Variants in TTC9C observed in about 807,000 individuals in gnomAD.
TTC9C encodes the protein tetratricopeptide repeat protein 9C.
TTC9C carries 15 observed loss-of-function variants against 22.5 expected under a neutral mutation model. That is an observed-to-expected ratio of 0.67 (90% CI 0.45 to 1.03). The LOEUF is 1.03. Among genes scored for constraint, TTC9C ranks in the 50% least tolerant of loss-of-function variants. TTC9C has a pLI of 0.00. For missense variants in TTC9C, 244 were observed against 214.6 expected, an observed-to-expected ratio of 1.14 and a Z score of -0.86; for synonymous variants, 92 against 86.8, an observed-to-expected ratio of 1.06 and a Z score of -0.33.
In TTC9C at chr11:62,738,352, G is replaced by C. The variant is rs779286217; in HGVS notation, c.486G>C (p.Glu162Asp). The change falls in exon 3 of 3, where the codon GAG becomes GAC. Residue 162 changes from glutamate (E) to aspartate (D), a missense_variant. By Grantham distance (45) the Glu-to-Asp change is conservative. Transcript: ENST00000316461. ...AACTCAGCAGCTACCATAGAAAAGA[G>C]AAGCAGCTCTACCTGGGCATGTTTG... is the stretch of plus-strand genomic sequence containing the variant. ...QSELSSYHRK[E>D]KQLYLGMFG The C allele has an allele frequency of 1.9e-6, 3 of 1,612,900 alleles. No individual in the cohort carries two copies.
At position 62,728,501 on chromosome 11, in the gene TTC9C, C is replaced by G. The variant is rs1314581775; in HGVS notation, c.-348C>G. 8.3e-6 allele frequency: 4 copies of G among 483,136 alleles called. No homozygotes were observed. The highest frequency in any genetic ancestry group is 3.9e-5 in the African/African-American group (2 of 51,126). 29.9% of individuals were successfully genotyped at this position (483,136 alleles called of 1,614,324 possible). On this transcript the variant is annotated 5_prime_UTR_variant, in exon 1 of 3. Transcript: ENST00000316461. ...GGCGGAAGCCAGTGTCCCAGGCGTTCTCACGCCCGCAACAATTCCTGAGTA... is the reference window on the plus strand; with the variant it reads ...GGCGGAAGCCAGTGTCCCAGGCGTTGTCACGCCCGCAACAATTCCTGAGTA...
rs1373808472 is a variant in TTC9C, at chr11:62,738,317, A to T, written c.451A>T (p.Thr151Ser). ...CAACGTCCGGCGGTACCTCCAGCTG[A>T]CACAGTCAGAACTCAGCAGCTACCA... ...DANVRRYLQLTQSELSSYHRK... is the reference protein window; with the variant it reads ...DANVRRYLQLSQSELSSYHRK... Residue 151 changes from threonine to serine, a missense_variant, in exon 3 of 3, where the codon ACA (threonine) becomes TCA (serine). Physicochemically the swap from Thr to Ser is moderately conservative, Grantham distance 58. Coordinates refer to ENST00000316461, the MANE Select transcript of TTC9C (RefSeq NM_173810.4). 1.2e-6 allele frequency: 2 copies of T among 1,612,926 alleles called. No homozygotes were observed. The highest frequency in any genetic ancestry group is 1.7e-6 in the Non-Finnish European group (2 of 1,179,496).
intron 1 of TTC9C, among the ~76,000 whole-genome samples, chr11:62,731,489 C>G (rs12805493): frequency 4.6e-5 from 7 of 152,006 alleles, no homozygotes; most frequent in Admixed American, 2.0e-4. Context: ...CCCAGCTATT[C>G]TGGAAACTGA....
intron 2 of TTC9C, chr11:62,735,914 A>G (rs1044995804): frequency 2.5e-5 from 4 of 156,914 alleles, no homozygotes; most frequent in Non-Finnish European, 4.2e-5. Context: ...TATACAGTGT[A>G]TATATTTATA....
upstream of TTC9C, chr11:62,728,437 T>C (rs761704917): frequency 1.3e-4 from 59 of 458,010 alleles, no homozygotes; most frequent in Non-Finnish European, 2.3e-4. Context: ...GCCCACTCCC[T>C]TCTACTTCCA....
chr11:62,730,576 T>TG (rs1478977944), intron 1 of TTC9C, among the ~76,000 whole-genome samples: 2 of 151,888 alleles, frequency 1.3e-5, no homozygotes, highest in African/African-American at 4.8e-5. Flanking sequence ...ACCAACTAGC[T>TG]CTTTTATTTT....
At chr11:62,729,895 GC>G (rs2083827272) in intron 1 of TTC9C, among the ~76,000 whole-genome samples, 1 of 152,006 alleles carries the variant, frequency 6.6e-6, no homozygotes, top group Non-Finnish European at 1.5e-5. Context: ...ATTTCTAACA[GC>G]CTTCTGGGTA....
intron 1 of TTC9C, among the ~76,000 whole-genome samples, chr11:62,730,203 A>C (rs658745): frequency 6.6e-6 from 1 of 151,434 alleles, no homozygotes; most frequent in Non-Finnish European, 1.5e-5. Context: ...AGCCTCTGGA[A>C]TAGCTGGGAT....
chr11:62,728,381 A>C, upstream of TTC9C: 1 of 374,524 alleles, frequency 2.7e-6, no homozygotes, highest in Non-Finnish European at 5.3e-6. Flanking sequence ...ATAAGGAAGA[A>C]GAGTTAGAAT....
intron 1 of TTC9C, 71 bp from the exon 2 acceptor site, chr11:62,735,311 T>C: frequency 3.2e-6 from 5 of 1,577,586 alleles, no homozygotes; most frequent in Middle Eastern, 3.4e-4. Flanking sequence ...CAGTACTGTC[T>C]TGAGCTGGCC....
chr11:62,733,621 TA>T (rs2083877307), intron 1 of TTC9C, among the ~76,000 whole-genome samples: 1 of 151,822 alleles, frequency 6.6e-6, no homozygotes, highest in Admixed American at 6.6e-5. Context: ...TTTTTTTTTT[TA>T]AGATGGAGTC....
chr11:62,728,636 C>T lies in TTC9C; in HGVS notation c.-213C>T, dbSNP rs757710296. The T allele has an allele frequency of 7.3e-6, 5 of 682,336 alleles. No individual in the cohort carries two copies. Among genetic ancestry groups the T allele is most frequent in the Non-Finnish European group, 1.1e-5 (4 of 372,498 alleles). 42.3% of individuals were successfully genotyped at this position (682,336 alleles called of 1,614,324 possible). A position where few individuals can be genotyped will look rare whatever the true frequency, so the allele number is the denominator to read the frequency against. On this transcript the variant is annotated 5_prime_UTR_variant, in exon 1 of 3. Coordinates refer to ENST00000316461, the MANE Select transcript of TTC9C (RefSeq NM_173810.4). ...CCCACATCCCTTTCCTTACTACTTG[C>T]CTGCACTTCTTGAGAAAAAGACTGC...
Position 62,728,990 on chromosome 11 carries a change from C to A in TTC9C, c.142C>A (p.Pro48Thr), listed in dbSNP as rs777546796. Residue 48 changes from proline to threonine, a missense_variant, in exon 1 of 3, where the codon CCG becomes ACG. Coordinates refer to ENST00000316461, the MANE Select transcript of TTC9C (RefSeq NM_173810.4). ...LRGLDPSLPS[P>T]LPNLGPQGPA... ...GGGTCTGGATCCGAGTCTGCCCTCT[C>A]CGTTACCTAATCTCGGACCTCAGGG... 1 of 1,614,118 alleles carries A rather than the reference C, an allele frequency of 6.2e-7. No homozygotes were observed. Among genetic ancestry groups the A allele is most frequent in the Non-Finnish European group, 8.5e-7 (1 of 1,180,034 alleles).
intron 1 of TTC9C, 29 bp from the exon 2 acceptor site, chr11:62,735,353 C>T: frequency 3.1e-6 from 5 of 1,610,266 alleles, no homozygotes; most frequent in Non-Finnish European, 4.2e-6. Flanking sequence ...CCCCTCCTAC[C>T]TCTTCTCTCT....
intron 1 of TTC9C, among the ~76,000 whole-genome samples, chr11:62,731,302 T>C (rs1442772709): frequency 6.6e-6 from 1 of 152,212 alleles, no homozygotes; most frequent in Non-Finnish European, 1.5e-5. Flanking sequence ...TATCCAGATT[T>C]GGACTCAAAA....
chr11:62,732,972 CTTTTTT>C, intron 1 of TTC9C: 7 of 200,766 alleles, frequency 3.5e-5, no homozygotes, highest in South Asian at 5.4e-5. Context: ...TATTCCTCCA[CTTTTTT>C]TTTTTTTTTT....
intron 1 of TTC9C, among the ~76,000 whole-genome samples, chr11:62,731,077 C>T (rs1014079850): frequency 8.8e-5 from 13 of 148,388 alleles, no homozygotes; most frequent in African/African-American, 2.7e-4. Flanking sequence ...TTAGTAGAGA[C>T]GGGGTTTTGC....
At chr11:62,737,509 A>G (rs1029176391) in intron 2 of TTC9C, among the ~76,000 whole-genome samples, 1 of 152,200 alleles carries the variant, frequency 6.6e-6, no homozygotes, top group Non-Finnish European at 1.5e-5. Flanking sequence ...TCTGGCTTAC[A>G]ATAGCCACTG....
In TTC9C at chr11:62,732,837, G is replaced by A. The variant is rs1017136325; in HGVS notation, c.239-2545G>A. On this transcript the variant is annotated intron_variant, in intron 1 of 2. Coordinates refer to ENST00000316461, the MANE Select transcript of TTC9C (RefSeq NM_173810.4). The stretch of plus-strand genomic sequence containing the variant: ...CTTGGGAAGCTGAGGCAAGAGAATC[G>A]CTTGAACCTGGGATGTGGAGGTTGC... Among the ~76,000 whole-genome samples the A allele has an allele frequency of 4.6e-5, 7 of 151,734 alleles. No individual in the cohort carries two copies. In the South Asian group the frequency reaches 6.3e-4, roughly 14 times the overall value.
Sources: gnomAD v4.1 joint callset for allele counts (sites outside exome capture counted in the v4.1 genomes callset) on GRCh38, gnomAD v4.1.1 for gene constraint, MANE v1.5 for transcripts, NCBI Gene and HGNC (gene_info 2026-07-23, HGNC 2026-07-21) for gene names.